Variants in XDH observed in about 807,000 individuals in gnomAD.
XDH encodes xanthine dehydrogenase.
Under a neutral mutation model 156.1 loss-of-function variants are expected in XDH, and 138 were observed. The ratio of observed to expected loss-of-function variants is 0.88; its 90% CI spans 0.77 to 1.02. XDH has a LOEUF of 1.02. XDH is among the 50% of genes least tolerant of loss of function. The probability of loss-of-function intolerance (pLI) is 0.00; values close to 1 mark genes in which losing one functional copy is unlikely to be tolerated. For missense variants in XDH, 1,849 were observed against 1,684.9 expected (o/e 1.10, Z -1.71); for synonymous variants, 669 against 625.7 (o/e 1.07, Z -1.03).
chr2:31,373,888 A>G lies in XDH; in HGVS notation c.1671T>C (p.Asp557=). The change falls in exon 16 of 36, where the codon GAT becomes GAC. Residue 557 remains aspartate, a synonymous_variant. Transcript: ENST00000379416. ...TLLFQKDPPA[D]VQLFQEVPKG... is the part of the protein sequence containing the mutation. ...CCGTACTCACTTGGAAGAGCTGGAC[A>G]TCGGCTGGGGGGTCTTTCTGAAACA... 6.2e-7 allele frequency: 1 copy of G among 1,613,926 alleles called. No homozygotes were observed. Among genetic ancestry groups the G allele is most frequent in the Non-Finnish European group, 8.5e-7 (1 of 1,179,850 alleles).
At chr2:31,349,620 G>GT (rs397723726) in intron 26 of XDH, 66 bp downstream of exon 26, 11 of 1,608,974 alleles carry the variant, frequency 6.8e-6, no homozygotes, top group Non-Finnish European at 9.3e-6. Context: ...CCTATATGGG[G>GT]TCAGCAGAAA....
intron 24 of XDH, among the ~76,000 whole-genome samples, chr2:31,352,194 G>T (rs1193665190): frequency 8.5e-5 from 13 of 152,062 alleles, no homozygotes; most frequent in Admixed American, 8.5e-4. Context: ...ATTTTTGGGA[G>T]ATTTGTCAAG....
At chr2:31,388,153 C>T in intron 7 of XDH, 74 bp downstream of exon 7, 2 of 1,531,302 alleles carry the variant, frequency 1.3e-6, no homozygotes, top group Non-Finnish European at 1.8e-6. Flanking sequence ...CCGCCAGGGA[C>T]ATGGAGCTCG....
At chr2:31,410,148 T>G (rs1978638) in intron 1 of XDH, among the ~76,000 whole-genome samples, 88,175 of 152,064 alleles carry the variant, frequency 0.58, 25,898 homozygotes, top group Non-Finnish European at 0.6. Context: ...TACTGTATGA[T>G]TCCCCTTAAG....
chr2:31,347,231 G>A (rs1030791545), intron 29 of XDH, among the ~76,000 whole-genome samples: 1 of 152,188 alleles, frequency 6.6e-6, no homozygotes, highest in Non-Finnish European at 1.5e-5. Flanking sequence ...TTGTCCTATT[G>A]CTAGCTCCAG....
intron 28 of XDH, 113 bp downstream of exon 28, chr2:31,348,155 C>G: frequency 1.9e-6 from 2 of 1,065,446 alleles, no homozygotes; most frequent in East Asian, 5.1e-5. Context: ...ACATAAGCAA[C>G]AGGGCCAGGG....
chr2:31,353,145 G>T (rs1007305720), intron 24 of XDH, among the ~76,000 whole-genome samples: 2 of 151,076 alleles, frequency 1.3e-5, no homozygotes, highest in African/African-American at 2.4e-5. Context: ...TCTCACAATT[G>T]ACTTTATTTC....
At chr2:31,379,688 T>C (rs571320518) in intron 13 of XDH, among the ~76,000 whole-genome samples, 179 bp downstream of exon 13, 137 of 152,280 alleles carry the variant, frequency 9.0e-4, no homozygotes, top group African/African-American at 3.2e-3. Flanking sequence ...CTGCAACTTC[T>C]CATTGTCCAG....
intron 14 of XDH, 97 bp downstream of exon 14, chr2:31,376,956 G>C: frequency 6.8e-7 from 1 of 1,464,412 alleles, no homozygotes; most frequent in Middle Eastern, 1.8e-4. Context: ...AGCAGCAATA[G>C]TAATACTACT....
chr2:31,364,752 T>C (rs1221831450), intron 23 of XDH, among the ~76,000 whole-genome samples: 1 of 152,084 alleles, frequency 6.6e-6, no homozygotes, highest in African/African-American at 2.4e-5. Flanking sequence ...CCCCAGAAGA[T>C]CAAGGAATCC....
chr2:31,349,589 T>A, intron 26 of XDH, 97 bp downstream of exon 26: 1 of 1,535,262 alleles, frequency 6.5e-7, no homozygotes, highest in African/African-American at 1.4e-5. Flanking sequence ...TCTCATAAGT[T>A]ATCCATTGAA....
intron 6 of XDH, among the ~76,000 whole-genome samples, chr2:31,395,082 T>C (rs1474044573): frequency 1.8e-4 from 28 of 151,538 alleles, no homozygotes; most frequent in Non-Finnish European, 5.9e-5. Context: ...CCTTTGACTA[T>C]GCCTTATAAT....
chr2:31,348,246 A>G (rs1475732195), intron 28 of XDH, 22 bp downstream of exon 28: 2 of 1,611,264 alleles, frequency 1.2e-6, no homozygotes, highest in South Asian at 1.1e-5. Context: ...CGGACACAAC[A>G]CTGCCAGAGA....
At chr2:31,363,173 A>T (rs186077897) in intron 24 of XDH, among the ~76,000 whole-genome samples, 2 of 152,204 alleles carry the variant, frequency 1.3e-5, no homozygotes, top group Non-Finnish European at 2.9e-5. Flanking sequence ...TTAGCCAGGC[A>T]TAGGGGTGCA....
chr2:31,349,618 G>GA lies in XDH; in HGVS notation c.2969+67_2969+68insT. On this transcript the variant is annotated intron_variant, in intron 26 of 35. Transcript: ENST00000379416. Reference sequence around the variant, plus strand: ...CATTGAATTATTAGCTTCCTATATGGGGTCAGCAGAAAGGCTGTAGGATAT... The same window carrying GA: ...CATTGAATTATTAGCTTCCTATATGGAGGTCAGCAGAAAGGCTGTAGGATAT... 3.1e-6 allele frequency: 5 copies of GA among 1,605,206 alleles called. No homozygotes were observed. The South Asian group carries it at 5.5e-5, about 18-fold the overall frequency.
At chr2:31,398,791 T>C (rs933625292) in intron 4 of XDH, 92 bp from the exon 5 acceptor site, 13 of 1,583,980 alleles carry the variant, frequency 8.2e-6, no homozygotes, top group Admixed American at 1.7e-5. Flanking sequence ...TGTTGAGAGA[T>C]AGTGGGGGTA....
At chr2:31,387,735 G>A (rs922881549) in intron 8 of XDH, 76 bp downstream of exon 8, 122 of 1,331,206 alleles carry the variant, frequency 9.2e-5, no homozygotes, top group Middle Eastern at 1.8e-4. Flanking sequence ...AGTTCCCAGT[G>A]GGTATGAAAA....
In XDH at chr2:31,349,720, G is replaced by T. The variant is rs768228684; in HGVS notation, c.2935C>A (p.His979Asn). The change falls in exon 26 of 36, where the codon CAT becomes AAT. Residue 979 changes from histidine (H) to asparagine (N), a missense_variant. Coordinates refer to ENST00000379416, the MANE Select transcript of XDH (RefSeq NM_000379.4). ...WEECLASSQY[H>N]ARKSEVDKFN... ...TTGTCAACCTCACTCTTCCGAGCAT[G>T]ATACTGAGAGCTTGCTAGGCATTCT... 5 of 1,614,190 alleles carry T rather than the reference G, an allele frequency of 3.1e-6. No individual in the cohort carries two copies. In the South Asian group the frequency reaches 5.5e-5, roughly 18 times the overall value.
At chr2:31,373,475 A>G (rs1324743317) in intron 16 of XDH, among the ~76,000 whole-genome samples, 2 of 152,226 alleles carry the variant, frequency 1.3e-5, no homozygotes, top group Middle Eastern at 3.2e-3. Flanking sequence ...AAATGTTTTC[A>G]GGAAAAGTTT....
Sources: allele counts gnomAD v4.1 joint callset (sites outside exome capture counted in the v4.1 genomes callset), GRCh38; gene constraint gnomAD v4.1.1; transcripts MANE v1.5; gene names NCBI Gene and HGNC (gene_info 2026-07-23, HGNC 2026-07-21).